The following MAPRE3 variants were observed in gnomAD, a reference collection of about 807,000 sequenced individuals.
MAPRE3 encodes microtubule associated protein RP/EB family member 3, also known as microtubule-associated protein RP/EB family member 3.
Under a neutral mutation model 30.5 loss-of-function variants are expected in MAPRE3, and 2 were observed. That is an observed-to-expected ratio of 0.07 (90% CI 0.03 to 0.21). MAPRE3 has a LOEUF of 0.21. Among genes scored for constraint, MAPRE3 ranks in the 10% least tolerant of loss-of-function variants. The pLI is 1.00. For missense variants in MAPRE3, 204 were observed against 351.8 expected, an observed-to-expected ratio of 0.58 and a Z score of 3.36; for synonymous variants, 110 against 127.7, an observed-to-expected ratio of 0.86 and a Z score of 0.93.
chr2:27,023,493 C>T lies in MAPRE3; in HGVS notation c.267+16C>T, dbSNP rs766924746. On this transcript the variant is annotated intron_variant, in intron 3 of 6. Transcript: ENST00000233121. ...TGTTGACAAAGTAGGTGCCTGCGCT[C>T]TGGGGGGCCCTGAGGAGCAGTGTGA... 12 of 1,613,236 alleles carry T rather than the reference C, an allele frequency of 7.4e-6. No homozygotes were observed. The Admixed American group carries it at 1.2e-4, about 16-fold the overall frequency.
At chr2:27,020,998 T>C (rs75873438) in intron 1 of MAPRE3, among the ~76,000 whole-genome samples, 1 of 152,192 alleles carries the variant, frequency 6.6e-6, no homozygotes. Context: ...AAAAAAAGGA[T>C]TGTTGCATTG....
chr2:26,982,822 C>T (rs555599393), intron 1 of MAPRE3, among the ~76,000 whole-genome samples: 22 of 152,342 alleles, frequency 1.4e-4, no homozygotes, highest in Admixed American at 8.5e-4. Context: ...ATTTCTAAGG[C>T]ATATTTGTTG....
intron 1 of MAPRE3, among the ~76,000 whole-genome samples, chr2:27,001,191 C>T (rs763893287): frequency 1.1e-4 from 17 of 152,136 alleles, no homozygotes; most frequent in Non-Finnish European, 2.2e-4. Flanking sequence ...ATTGTGCAAA[C>T]ATCATAGAGT....
rs1667242903 is a variant in MAPRE3 at position 27,026,345 on chromosome 2, C to T, written c.843C>T (p.Tyr281=). The change falls in exon 7 of 7, where the codon TAC becomes TAT. Residue 281 remains tyrosine (Y), a synonymous_variant. Coordinates refer to ENST00000233121, the MANE Select transcript of MAPRE3 (RefSeq NM_012326.4). ...ATCAACAAGAAGACCAGGACGAGTACTGAGGGCGGCCGCAGCCCTGGCTGA... is the reference window on the plus strand; with the variant it reads ...ATCAACAAGAAGACCAGGACGAGTATTGAGGGCGGCCGCAGCCCTGGCTGA... ...EEHQQEDQDE[Y] 3.7e-6 allele frequency: 6 copies of T among 1,613,504 alleles called. No homozygotes were observed. Among genetic ancestry groups the T allele is most frequent in the Non-Finnish European group, 5.1e-6 (6 of 1,179,690 alleles).
chr2:26,995,214 C>A (rs187372002), intron 1 of MAPRE3, among the ~76,000 whole-genome samples: 2 of 152,144 alleles, frequency 1.3e-5, no homozygotes, highest in Non-Finnish European at 2.9e-5. Context: ...AACATCTTGA[C>A]CAAAAGGGAG....
At chr2:27,019,454 C>G (rs1667067397) in intron 1 of MAPRE3, among the ~76,000 whole-genome samples, 1 of 152,090 alleles carries the variant, frequency 6.6e-6, no homozygotes, top group Non-Finnish European at 1.5e-5. Flanking sequence ...AGGCATCACT[C>G]AATGGTTCAA....
chr2:26,980,386 T>C (rs1006126927), intron 1 of MAPRE3, among the ~76,000 whole-genome samples: 2 of 152,230 alleles, frequency 1.3e-5, no homozygotes, highest in African/African-American at 4.8e-5. Flanking sequence ...GTAAAATAAT[T>C]CTATTCTTTA....
intron 3 of MAPRE3, chr2:27,023,858 C>A: frequency 1.9e-6 from 1 of 528,038 alleles, no homozygotes; most frequent in Non-Finnish European, 3.4e-6. Flanking sequence ...AGCCAAGGGA[C>A]GCCTCCCCAC....
chr2:26,983,696 C>T (rs1261727035), intron 1 of MAPRE3, among the ~76,000 whole-genome samples: 1 of 152,154 alleles, frequency 6.6e-6, no homozygotes, highest in African/African-American at 2.4e-5. Context: ...GAGCAGATGA[C>T]CTCTTTGGGA....
At chr2:27,000,288 A>T (rs966767655) in intron 1 of MAPRE3, among the ~76,000 whole-genome samples, 3 of 152,210 alleles carry the variant, frequency 2.0e-5, no homozygotes, top group Admixed American at 6.5e-5. Context: ...GTTGAAAGAC[A>T]TGGTTTCTGC....
intron 1 of MAPRE3, chr2:27,012,621 G>A (rs1666886238): frequency 6.5e-6 from 1 of 152,704 alleles, no homozygotes; most frequent in Non-Finnish European, 1.5e-5. Flanking sequence ...CCACTGGGGT[G>A]GGGGCTGACT....
In MAPRE3 at chr2:26,993,500, C is replaced by T. The variant is rs543195328; in HGVS notation, c.-8+22698C>T. 6.6e-5 allele frequency among the ~76,000 whole-genome samples: 10 copies of T among 152,338 alleles called. 1 individual carries two copies. The South Asian group carries it at 2.1e-3, about 32-fold the overall frequency. On this transcript the variant is annotated intron_variant, in intron 1 of 6. Coordinates refer to ENST00000233121, the MANE Select transcript of MAPRE3 (RefSeq NM_012326.4). ...TTGGTGTCAAAATTACAGAGTCCCC[C>T]ACCATATTACACCAGTTTCTCTACT...
At position 26,986,341 on chromosome 2, in the gene MAPRE3, T is replaced by C. The variant is rs1271820395; in HGVS notation, c.-8+15539T>C. ...GTCCCTTTTGCCATTTAAGATGACA[T>C]ATTTATATGTTCCAGGGATTAGGAC... On this transcript the variant is annotated intron_variant, in intron 1 of 6. Transcript: ENST00000233121. The surrounding 1 kb of genome is among the most constrained non-coding windows in gnomAD (Gnocchi z 4.2). 6.6e-6 allele frequency among the ~76,000 whole-genome samples: 1 copy of C among 152,204 alleles called. No individual in the cohort carries two copies. Among genetic ancestry groups the C allele is most frequent in the South Asian group, 2.1e-4 (1 of 4,830 alleles).
chr2:26,979,591 A>G (rs1666076287), intron 1 of MAPRE3, among the ~76,000 whole-genome samples: 1 of 152,178 alleles, frequency 6.6e-6, no homozygotes, highest in Admixed American at 6.5e-5. Flanking sequence ...ATCTCTATTA[A>G]AAAAAGACAA....
intron 2 of MAPRE3, 114 bp from the exon 3 acceptor site, chr2:27,023,218 G>A: frequency 8.5e-7 from 1 of 1,171,648 alleles, no homozygotes; most frequent in South Asian, 1.6e-5. Flanking sequence ...AGTAGGACTG[G>A]TCCCTGGCCC....
intron 1 of MAPRE3, among the ~76,000 whole-genome samples, chr2:26,972,124 C>T (rs1315477942): frequency 6.6e-6 from 1 of 152,180 alleles, no homozygotes; most frequent in African/African-American, 2.4e-5. Flanking sequence ...TCATTGTCAG[C>T]TTCTTTTTTA....
chr2:26,992,919 T>G (rs1666376285), intron 1 of MAPRE3, among the ~76,000 whole-genome samples: 1 of 152,216 alleles, frequency 6.6e-6, no homozygotes, highest in African/African-American at 2.4e-5. Context: ...TGTTCTGTTT[T>G]ATTTCCTATT....
rs554397039 is a variant in MAPRE3, at chr2:26,994,142, A to G, written c.-8+23340A>G. On this transcript the variant is annotated intron_variant, in intron 1 of 6. Coordinates refer to ENST00000233121, the MANE Select transcript of MAPRE3 (RefSeq NM_012326.4). ...TGTTCTGAGGAAACTGACACAATTCAGGATCTAGTCTCTCAGGTATTTTGA... is the reference window on the plus strand; with the variant it reads ...TGTTCTGAGGAAACTGACACAATTCGGGATCTAGTCTCTCAGGTATTTTGA... Among the ~76,000 whole-genome samples the G allele has an allele frequency of 1.2e-3, 177 of 152,340 alleles. 1 individual carries two copies. The highest frequency in any genetic ancestry group is 3.9e-3 in the African/African-American group (163 of 41,580).
chr2:27,011,494 G>A (rs1180683181), intron 1 of MAPRE3, among the ~76,000 whole-genome samples: 3 of 152,210 alleles, frequency 2.0e-5, no homozygotes, highest in Admixed American at 1.3e-4. Context: ...TCCTCATGAT[G>A]CCTCACTGGG....
Sources: gnomAD v4.1 joint callset for allele counts (sites outside exome capture counted in the v4.1 genomes callset) on GRCh38, gnomAD v4.1.1 for gene constraint, Gnocchi (gnomAD v3.1) non-coding constraint, MANE v1.5 for transcripts, NCBI Gene and HGNC (gene_info 2026-07-23, HGNC 2026-07-21) for gene names.